The following KLHL4 variants were observed in gnomAD, a reference collection of about 807,000 sequenced individuals.
The protein encoded by KLHL4 is kelch like family member 4, also known as kelch-like protein 4.
In KLHL4, 17 loss-of-function variants were observed where a neutral mutation model predicts 45.8. The ratio of observed to expected loss-of-function variants is 0.37; its 90% CI spans 0.25 to 0.56. The LOEUF (loss-of-function observed/expected upper bound fraction) is 0.56, where lower values mean the gene tolerates loss of function less well. Ranked by LOEUF, KLHL4 falls within the 20% of genes least tolerant of loss-of-function variation. KLHL4 has a pLI of 0.79. For missense variants in KLHL4, 544 were observed against 544.9 expected, an observed-to-expected ratio of 1.00 and a Z score of 0.02; for synonymous variants, 224 against 189.9, an observed-to-expected ratio of 1.18 and a Z score of -1.47.
intron 1 of KLHL4, among the ~76,000 whole-genome samples, chrX:87,529,094 C>G (rs1931184968): frequency 9.0e-6 from 1 of 110,884 alleles, no homozygotes; most frequent in Non-Finnish European, 1.9e-5. Flanking sequence ...TTTCACTAAT[C>G]CCATATTCAG....
intron 1 of KLHL4, among the ~76,000 whole-genome samples, chrX:87,605,697 T>C (rs1922170125): frequency 2.7e-5 from 3 of 111,315 alleles, no homozygotes; most frequent in Admixed American, 9.6e-5. Context: ...GGCTTCCTCC[T>C]TTCCAATTTG....
chrX:87,639,379 C>T (rs1013621609), intron 9 of KLHL4, among the ~76,000 whole-genome samples: 3 of 111,655 alleles, frequency 2.7e-5, no homozygotes, highest in African/African-American at 9.8e-5. Flanking sequence ...TACCTAACAA[C>T]TGCAGAATAT....
intron 6 of KLHL4, among the ~76,000 whole-genome samples, chrX:87,626,288 C>G (rs1367430335): frequency 9.0e-6 from 1 of 111,460 alleles, no homozygotes; most frequent in Non-Finnish European, 1.9e-5. Flanking sequence ...TGGGGGCCTT[C>G]TAGGTCATAA....
intron 1 of KLHL4, among the ~76,000 whole-genome samples, chrX:87,586,958 G>GA: frequency 9.2e-6 from 1 of 109,151 alleles, no homozygotes. Context: ...TGATACTGCA[G>GA]AATTTAAAGG....
chrX:87,662,875 A>C (rs1368807945), intron 9 of KLHL4, among the ~76,000 whole-genome samples: 1 of 104,161 alleles, frequency 9.6e-6, no homozygotes, highest in Non-Finnish European at 1.9e-5. Context: ...GCTTGTAGTG[A>C]GCCCAGATCG....
At chrX:87,625,522 C>T (rs1326739795) in intron 5 of KLHL4, 88 bp from the exon 6 acceptor site, 29 of 824,474 alleles carry the variant, frequency 3.5e-5, no homozygotes, top group Middle Eastern at 4.0e-4. Context: ...TACGCCACTG[C>T]GCCCAGCCTC....
intron 10 of KLHL4, among the ~76,000 whole-genome samples, chrX:87,665,923 T>C (rs1041264070): frequency 2.7e-5 from 3 of 111,606 alleles, no homozygotes; most frequent in African/African-American, 9.8e-5. Context: ...TGTCAATGCT[T>C]AGGACCAACC....
chrX:87,625,877 A>G (rs760497337), intron 6 of KLHL4, 81 bp downstream of exon 6: 1 of 778,458 alleles, frequency 1.3e-6, no homozygotes, highest in African/African-American at 2.1e-5. Flanking sequence ...TATTAAAGCC[A>G]TGTTAAATGA....
chrX:87,633,309 A>C lies in KLHL4; in HGVS notation c.1550-440A>C, dbSNP rs1014481285. On this transcript the variant is annotated intron_variant, in intron 7 of 10. Coordinates refer to ENST00000373119, the MANE Select transcript of KLHL4 (RefSeq NM_019117.5). The stretch of plus-strand genomic sequence containing the variant: ...TCTGTCTGTAAGTTAGCTCACAGGA[A>C]TCTTTTTATCCCTATATTAAACACC... 4.9e-4 allele frequency among the ~76,000 whole-genome samples: 55 copies of C among 112,230 alleles called. 2 individuals are homozygous for C. The highest frequency in any genetic ancestry group is 9.4e-5 in the Non-Finnish European group (5 of 53,227).
At chrX:87,534,085 A>G (rs714535) in intron 1 of KLHL4, among the ~76,000 whole-genome samples, 28,947 of 110,581 alleles carry the variant, frequency 0.26, 3,116 homozygotes, top group East Asian at 0.54. Context: ...ATAAAAGAAA[A>G]CACGTTTGTT....
intron 1 of KLHL4, among the ~76,000 whole-genome samples, chrX:87,560,202 T>C (rs1932064790): frequency 8.9e-6 from 1 of 111,869 alleles, no homozygotes; most frequent in South Asian, 3.7e-4. Flanking sequence ...GTTGTATCTT[T>C]TAAGTAGGCG....
At chrX:87,562,611 G>A (rs1229513194) in intron 1 of KLHL4, among the ~76,000 whole-genome samples, 1 of 110,943 alleles carries the variant, frequency 9.0e-6, no homozygotes, top group Non-Finnish European at 1.9e-5. Context: ...AAAGTACACA[G>A]TATATTCCTA....
intron 1 of KLHL4, among the ~76,000 whole-genome samples, chrX:87,526,529 A>G (rs1286880841): frequency 8.9e-6 from 1 of 112,300 alleles, no homozygotes; most frequent in African/African-American, 3.2e-5. Flanking sequence ...AGGCATTCAA[A>G]GAAAAGAAAG....
At chrX:87,639,741 C>A (rs968117518) in intron 9 of KLHL4, among the ~76,000 whole-genome samples, 2 of 110,057 alleles carry the variant, frequency 1.8e-5, no homozygotes. Flanking sequence ...GCATTGAATG[C>A]CTACATCAAA....
chrX:87,664,960 T>A, intron 10 of KLHL4, 25 bp downstream of exon 10: 1 of 987,974 alleles, frequency 1.0e-6, no homozygotes, highest in Non-Finnish European at 1.4e-6. Context: ...ATATTCAAAT[T>A]ACTATATTTC....
intron 1 of KLHL4, among the ~76,000 whole-genome samples, chrX:87,526,141 G>A (rs1326471078): frequency 8.9e-6 from 1 of 111,953 alleles, no homozygotes; most frequent in Non-Finnish European, 1.9e-5. Flanking sequence ...GTCCTTTTCT[G>A]GTTAATGTTG....
intron 9 of KLHL4, among the ~76,000 whole-genome samples, chrX:87,648,247 G>T (rs987720333): frequency 2.1e-4 from 23 of 111,408 alleles, no homozygotes; most frequent in Admixed American, 6.7e-4. Context: ...ACAGTAAGGT[G>T]AGCATAATTT....
intron 1 of KLHL4, among the ~76,000 whole-genome samples, chrX:87,601,340 C>G (rs1289469486): frequency 2.7e-5 from 3 of 111,521 alleles, no homozygotes; most frequent in Non-Finnish European, 5.6e-5. Flanking sequence ...TGCATTTCTT[C>G]TCCCCAGATT....
chrX:87,602,222 AAAT>A (rs1922042463), intron 1 of KLHL4, among the ~76,000 whole-genome samples: 1 of 111,227 alleles, frequency 9.0e-6, no homozygotes, highest in South Asian at 3.8e-4. Flanking sequence ...TACTGTAACT[AAAT>A]AAGCTAAGTT....
Sources: gnomAD v4.1 joint callset for allele counts (sites outside exome capture counted in the v4.1 genomes callset) on GRCh38, gnomAD v4.1.1 for gene constraint, MANE v1.5 for transcripts, NCBI Gene and HGNC (gene_info 2026-07-23, HGNC 2026-07-21) for gene names.